The following ZC3HAV1 variants were observed in gnomAD, a reference collection of about 807,000 sequenced individuals.
ZC3HAV1 encodes the protein zinc finger CCCH-type antiviral protein 1.
In ZC3HAV1, 41 loss-of-function variants were observed where a neutral mutation model predicts 86.6. The ratio of observed to expected loss-of-function variants is 0.47; its 90% CI spans 0.37 to 0.61. The LOEUF is 0.61. Ranked by LOEUF, ZC3HAV1 falls within the 20% of genes least tolerant of loss-of-function variation. The pLI, the probability that ZC3HAV1 is intolerant of heterozygous loss-of-function variation, is 0.00. For synonymous variants in ZC3HAV1, 421 were observed against 432.1 expected, an observed-to-expected ratio of 0.97 and a Z score of 0.32; for missense variants, 964 against 1,141.1, an observed-to-expected ratio of 0.84 and a Z score of 2.24.
intron 7 of ZC3HAV1, among the ~76,000 whole-genome samples, chr7:139,068,719 G>A (rs978514923): frequency 2.6e-5 from 4 of 152,276 alleles, no homozygotes; most frequent in East Asian, 1.9e-4. Context: ...CTCTAGCCTC[G>A]CCCTCACACT....
At chr7:139,059,716 A>G (rs1816390771) in intron 9 of ZC3HAV1, among the ~76,000 whole-genome samples, 1 of 152,226 alleles carries the variant, frequency 6.6e-6, no homozygotes, top group Admixed American at 6.5e-5. Flanking sequence ...AAAATTAGGC[A>G]GTTAGTGGCA....
chr7:139,060,196 T>C, intron 9 of ZC3HAV1: 1 of 975,602 alleles, frequency 1.0e-6, no homozygotes, highest in Non-Finnish European at 1.2e-6. Flanking sequence ...ATTTATCTTT[T>C]TAGTAACTTC....
intron 12 of ZC3HAV1, among the ~76,000 whole-genome samples, chr7:139,048,670 A>G (rs903099927): frequency 6.6e-6 from 1 of 152,224 alleles, no homozygotes; most frequent in Non-Finnish European, 1.5e-5. Context: ...TAGATATTGC[A>G]ACTCCTATTT....
chr7:139,105,651 A>G (rs543335176), intron 1 of ZC3HAV1, among the ~76,000 whole-genome samples: 2 of 152,332 alleles, frequency 1.3e-5, no homozygotes, highest in East Asian at 3.9e-4. Flanking sequence ...TCTATAAATA[A>G]TAGTACCACA....
intron 3 of ZC3HAV1, among the ~76,000 whole-genome samples, chr7:139,081,129 G>C (rs1161565906): frequency 6.6e-6 from 1 of 152,110 alleles, no homozygotes; most frequent in East Asian, 1.9e-4. Flanking sequence ...AGCGCGTGTG[G>C]AGTGTGTGTG....
intron 1 of ZC3HAV1, among the ~76,000 whole-genome samples, chr7:139,094,590 C>A (rs1817529526): frequency 6.6e-6 from 1 of 152,026 alleles, no homozygotes; most frequent in South Asian, 2.1e-4. Context: ...AAACAAACGA[C>A]CTTTTCACTT....
At chr7:139,050,947 C>T (rs1196766252) in intron 12 of ZC3HAV1, among the ~76,000 whole-genome samples, 1 of 152,222 alleles carries the variant, frequency 6.6e-6, no homozygotes, top group South Asian at 2.1e-4. Flanking sequence ...ATACCTTGTT[C>T]CATTTCTCCC....
At chr7:139,070,461 G>A (rs555599351) in intron 7 of ZC3HAV1, among the ~76,000 whole-genome samples, 67 of 149,688 alleles carry the variant, frequency 4.5e-4, no homozygotes, top group African/African-American at 1.2e-3. Flanking sequence ...TCAGGAGATC[G>A]AGACCATCCT....
intron 1 of ZC3HAV1, among the ~76,000 whole-genome samples, chr7:139,090,018 C>T (rs1385418866): frequency 1.3e-5 from 2 of 152,078 alleles, no homozygotes; most frequent in East Asian, 1.9e-4. Context: ...CTCCTGCGTT[C>T]GAGCAATCCT....
intron 12 of ZC3HAV1, chr7:139,050,022 C>A: frequency 6.2e-6 from 1 of 162,526 alleles, no homozygotes; most frequent in Non-Finnish European, 1.4e-5. Flanking sequence ...CAGATCACCG[C>A]AGGCCACTTA....
intron 1 of ZC3HAV1, among the ~76,000 whole-genome samples, chr7:139,102,120 TAAAAC>T (rs946207948): frequency 6.6e-6 from 1 of 152,170 alleles, no homozygotes; most frequent in African/African-American, 2.4e-5. Context: ...AGCAAATACT[TAAAAC>T]AATATCAATT....
In ZC3HAV1 at chr7:139,108,881, G is replaced by C; in HGVS notation, c.308+143C>G. ...GGGCCCTGCAGAGGCTCCCAGAGGG[G>C]AGCAGAGAAGGGAGTGGCTGGAGGC... On this transcript the variant is annotated intron_variant, in intron 1 of 12. Coordinates refer to ENST00000242351, the MANE Select transcript of ZC3HAV1 (RefSeq NM_020119.4). This position sits in a 1 kb window ranked among gnomAD's most constrained non-coding sequence, Gnocchi z 4.2. The C allele has an allele frequency of 9.1e-7, 1 of 1,101,324 alleles. No homozygotes were observed. The highest frequency in any genetic ancestry group is 1.3e-6 in the Non-Finnish European group (1 of 783,898). 68.2% of individuals were successfully genotyped at this position (1,101,324 alleles called of 1,614,324 possible). A position where few individuals can be genotyped will look rare whatever the true frequency, so the allele number is the denominator to read the frequency against.
chr7:139,089,788 T>G, intron 1 of ZC3HAV1, 29 bp from the exon 2 acceptor site: 1 of 1,596,358 alleles, frequency 6.3e-7, no homozygotes, highest in Non-Finnish European at 8.5e-7. Flanking sequence ...ATGGTCAGTA[T>G]TTCTACTACA....
In ZC3HAV1 at chr7:139,064,966, A is replaced by C. The variant is rs757010358; in HGVS notation, c.1906T>G (p.Ser636Ala). ...GATTGATAGAGAGACTCCAGGTATGAAGAGTCGACGTTTGAATTTTTCCGT... is the reference window on the plus strand; with the variant it reads ...GATTGATAGAGAGACTCCAGGTATGCAGAGTCGACGTTTGAATTTTTCCGT... ...DKRKNSNVDS[S>A]YLESLYQSCP... The change falls in exon 8 of 13, where the codon TCA becomes GCA. Residue 636 changes from serine (S) to alanine (A), a missense_variant. Transcript: ENST00000242351. 1 of 1,614,220 alleles carries C rather than the reference A, an allele frequency of 6.2e-7. No homozygotes were observed.
At chr7:139,070,537 G>T (rs894126982) in intron 7 of ZC3HAV1, among the ~76,000 whole-genome samples, 2 of 151,644 alleles carry the variant, frequency 1.3e-5, no homozygotes, top group African/African-American at 4.8e-5. Context: ...GGTGGCGGGC[G>T]CCTGTAGTCC....
intron 7 of ZC3HAV1, among the ~76,000 whole-genome samples, chr7:139,066,929 T>C (rs1326898821): frequency 6.6e-6 from 1 of 152,128 alleles, no homozygotes; most frequent in Non-Finnish European, 1.5e-5. Flanking sequence ...AAAGTGCAGA[T>C]ATGATTCTGG....
At chr7:139,061,528 A>G (rs1816443189) in intron 8 of ZC3HAV1, among the ~76,000 whole-genome samples, 1 of 152,190 alleles carries the variant, frequency 6.6e-6, no homozygotes, top group South Asian at 2.1e-4. Context: ...TCAAGTGTGA[A>G]ATATCATTTT....
At chr7:139,049,166 G>GTTT (rs1156290538) in intron 12 of ZC3HAV1, among the ~76,000 whole-genome samples, 5 of 113,854 alleles carry the variant, frequency 4.4e-5, no homozygotes, top group Non-Finnish European at 3.5e-5. Flanking sequence ...TGTTGCTGCT[G>GTTT]TTTTTGAGAC....
At chr7:139,053,107 C>T (rs1816183601) in intron 12 of ZC3HAV1, among the ~76,000 whole-genome samples, 2 of 152,106 alleles carry the variant, frequency 1.3e-5, no homozygotes, top group South Asian at 2.1e-4. Context: ...CATATAGCTT[C>T]GCAGGCATGG....
Sources: gnomAD v4.1 joint callset for allele counts (sites outside exome capture counted in the v4.1 genomes callset) on GRCh38, gnomAD v4.1.1 for gene constraint, Gnocchi (gnomAD v3.1) non-coding constraint, MANE v1.5 for transcripts, NCBI Gene and HGNC (gene_info 2026-07-23, HGNC 2026-07-21) for gene names.